Variants in MARF1 observed in about 807,000 individuals in gnomAD.
The protein encoded by MARF1 is limkain-b1.
In MARF1, 24 loss-of-function variants were observed where a neutral mutation model predicts 168.2. That is an observed-to-expected ratio of 0.14 (90% confidence interval 0.10 to 0.20). The LOEUF (loss-of-function observed/expected upper bound fraction) is 0.20. Among genes scored for constraint, MARF1 ranks in the 10% least tolerant of loss-of-function variants. The pLI, the probability that MARF1 is intolerant of heterozygous loss-of-function variation, is 1.00. For synonymous variants in MARF1, 868 were observed against 822.4 expected (o/e 1.06, Z -0.95); for missense variants, 1,744 against 2,143.6 (o/e 0.81, Z 3.68).
rs903767578 is a variant in MARF1 at position 15,625,039 on chromosome 16, T to C, written c.2088A>G (p.Glu696=). 1 of 1,614,192 alleles carries C rather than the reference T, an allele frequency of 6.2e-7. No homozygotes were observed. Among genetic ancestry groups the C allele is most frequent in the Non-Finnish European group, 8.5e-7 (1 of 1,180,032 alleles). Residue 696 remains glutamate (E), a synonymous_variant, in exon 9 of 27, where the codon GAA becomes GAG. Coordinates refer to ENST00000396368, the MANE Select transcript of MARF1 (RefSeq NM_014647.4). ...VSTPKNSGVA[E]PVYKTSQKKE... ...ACTTCTGACTGGTTTTGTAAACGGG[T>C]TCTGCCACCCCCGAGTTTTTCGGCG...
At chr16:15,618,603 G>T (rs574910030) in intron 13 of MARF1, among the ~76,000 whole-genome samples, 1 of 152,046 alleles carries the variant, frequency 6.6e-6, no homozygotes, top group Non-Finnish European at 1.5e-5. Context: ...CACACATCCT[G>T]GGTGCTCGCC....
chr16:15,624,626 AGGAGAG>A, intron 10 of MARF1, 137 bp downstream of exon 10: 1 of 740,242 alleles, frequency 1.4e-6, no homozygotes. Context: ...TGATTACCTG[AGGAGAG>A]GGGGACTGGC....
chr16:15,634,931 G>T lies in MARF1; in HGVS notation c.832C>A (p.Pro278Thr). 6.2e-7 allele frequency: 1 copy of T among 1,609,460 alleles called. No homozygotes were observed. The highest frequency in any genetic ancestry group is 2.2e-5 in the East Asian group (1 of 44,824). Residue 278 changes from proline (P) to threonine (T), a missense_variant and splice_region_variant, in exon 4 of 27, where the codon CCA (proline) becomes ACA (threonine). Transcript: ENST00000396368. ...SLYCEDCLNK[P>T]ARNSIIDAAK... ...GCATCGATTATGCTATTTCTTGCTG[G>T]CTGTTTTAAATTTTTTTTAAAAAGG... is the stretch of plus-strand genomic sequence containing the variant.
Position 15,611,580 on chromosome 16 carries a change from T to C in MARF1, c.3617+12A>G. ...ATATTTACTTTCATTTCTGTTCTTT[T>C]CATCAACTCACCAGTGATAAGCCTG... On this transcript the variant is annotated intron_variant, in intron 18 of 26. Coordinates refer to ENST00000396368, the MANE Select transcript of MARF1 (RefSeq NM_014647.4). 1.2e-6 allele frequency: 2 copies of C among 1,611,640 alleles called. No individual in the cohort carries two copies. The highest frequency in any genetic ancestry group is 1.7e-6 in the Non-Finnish European group (2 of 1,178,708).
In MARF1 at chr16:15,625,172, T is replaced by G. The variant is rs764900888; in HGVS notation, c.1955A>C (p.Glu652Ala). ...AGTTTTTGACTCCATGCGGCACAGC[T>G]CCTTCAAAGACACAAGCACAGTGGG... ...TKNTNVKSLQ[E>A]LCRMESKTGH... The change falls in exon 9 of 27, where the codon GAG becomes GCG. Residue 652 changes from glutamate to alanine, a missense_variant and splice_region_variant. Glu to Ala is a moderately radical substitution (Grantham distance 107). Around this residue, in one of 7 missense-constraint regions of MARF1, gnomAD observed 270 missense variants for 260.6 expected, o/e 1.04. Coordinates refer to ENST00000396368, the MANE Select transcript of MARF1 (RefSeq NM_014647.4). The G allele has an allele frequency of 6.2e-7, 1 of 1,613,784 alleles. No homozygotes were observed. Among genetic ancestry groups the G allele is most frequent in the Non-Finnish European group, 8.5e-7 (1 of 1,179,826 alleles).
intron 25 of MARF1, 123 bp from the exon 26 acceptor site, chr16:15,599,147 A>C: frequency 1.6e-6 from 1 of 633,364 alleles, no homozygotes; most frequent in South Asian, 1.9e-5. Context: ...AGAAGTATTT[A>C]AGGTATTAAA....
intron 7 of MARF1, among the ~76,000 whole-genome samples, chr16:15,629,889 C>G (rs1223839215): frequency 6.6e-6 from 1 of 152,188 alleles, no homozygotes. Context: ...CAGAGGCCCG[C>G]TGAAGCTTAA....
At chr16:15,604,534 A>G (rs1301378209) in intron 21 of MARF1, 136 bp from the exon 22 acceptor site, 1 of 633,968 alleles carries the variant, frequency 1.6e-6, no homozygotes, top group East Asian at 2.7e-5. Flanking sequence ...ACACTGAAAT[A>G]AAGCAAGTGG....
rs773731483 is a variant in MARF1, at chr16:15,633,599, TA to T, written c.1233+17del. 777 of 1,449,844 alleles carry T rather than the reference TA, an allele frequency of 5.4e-4. No individual in the cohort carries two copies. The highest frequency in any genetic ancestry group is 1.6e-3 in the Middle Eastern group (9 of 5,568). 89.8% of individuals were successfully genotyped at this position (1,449,844 alleles called of 1,614,324 possible). On this transcript the variant is annotated intron_variant, in intron 5 of 26. Coordinates refer to ENST00000396368, the MANE Select transcript of MARF1 (RefSeq NM_014647.4). ...TTCCTCTACTGTAGATTAAAATTAT[TA>T]AATTTTTTTTTTTTACCTGGCAATT...
chr16:15,598,632 C>T (rs961529808), intron 26 of MARF1, among the ~76,000 whole-genome samples: 11 of 152,006 alleles, frequency 7.2e-5, no homozygotes, highest in African/African-American at 2.7e-4. Context: ...CCCTCCAGAG[C>T]TGCCAAATCG....
intron 20 of MARF1, 137 bp from the exon 21 acceptor site, chr16:15,608,655 G>A: frequency 1.6e-6 from 1 of 637,480 alleles, no homozygotes; most frequent in Non-Finnish European, 2.7e-6. Flanking sequence ...AGTTGTGTAA[G>A]ATGAAAAAGT....
At chr16:15,613,101 C>A (rs953413390) in intron 16 of MARF1, among the ~76,000 whole-genome samples, 2 of 152,150 alleles carry the variant, frequency 1.3e-5, no homozygotes, top group Non-Finnish European at 2.9e-5. Flanking sequence ...AGTTATATTT[C>A]CAAGATCCTT....
rs781133212 is a variant in MARF1, at chr16:15,639,277, T to A, written c.-44A>T. 1 of 1,587,024 alleles carries A rather than the reference T, an allele frequency of 6.3e-7. No individual in the cohort carries two copies. Among genetic ancestry groups the A allele is most frequent in the Non-Finnish European group, 8.6e-7 (1 of 1,165,770 alleles). ...TCAACATCCTTTCATCTTTCTTTTC[T>A]TTCATTCTTCCACCCTGTTAAGAAT... is the stretch of plus-strand genomic sequence containing the variant. On this transcript the variant is annotated 5_prime_UTR_variant, in exon 2 of 27. It adds an upstream start codon to the 5' untranslated region. Coordinates refer to ENST00000396368, the MANE Select transcript of MARF1 (RefSeq NM_014647.4).
In MARF1 at chr16:15,602,067, T is replaced by C; in HGVS notation, c.4550A>G (p.Lys1517Arg). 6.2e-7 allele frequency: 1 copy of C among 1,614,206 alleles called. No homozygotes were observed. Among genetic ancestry groups the C allele is most frequent in the Non-Finnish European group, 8.5e-7 (1 of 1,180,034 alleles). Residue 1517 changes from lysine (K) to arginine (R), a missense_variant, in exon 23 of 27, where the codon AAG becomes AGG. Physicochemically the swap from Lys to Arg is conservative, Grantham distance 26. Transcript: ENST00000396368. ...GGGCTGCAGAGTTTCTCCGACATAC[T>C]TGGTATAGGCCATGGAAAACTCATG... The part of the protein sequence containing the change: ...FLHEFSMAYT[K>R]YVGETLQPKT...
chr16:15,599,114 A>C (rs2032102434), intron 25 of MARF1, 90 bp from the exon 26 acceptor site: 4 of 1,085,962 alleles, frequency 3.7e-6, no homozygotes, highest in Non-Finnish European at 4.1e-6. Context: ...TTTTCCTTCT[A>C]AGCCTTAAAG....
chr16:15,600,451 A>C lies in MARF1; in HGVS notation c.4790T>G (p.Leu1597Arg). ...EVPESHTASE[L>R]KLGADGSGPS... ...ACCACTGCCGTCAGCTCCAAGCTTGAGTTCCGAGGCTGTGTGCGATTCGGG... is the reference window on the plus strand; with the variant it reads ...ACCACTGCCGTCAGCTCCAAGCTTGCGTTCCGAGGCTGTGTGCGATTCGGG... The change falls in exon 25 of 27, where the codon CTC becomes CGC. Residue 1597 changes from leucine to arginine, a missense_variant. This residue lies in a region of MARF1 where 313 missense variants were observed against 337.4 expected (regional missense o/e 0.93). Coordinates refer to ENST00000396368, the MANE Select transcript of MARF1 (RefSeq NM_014647.4). The C allele has an allele frequency of 6.2e-7, 1 of 1,614,112 alleles. No homozygotes were observed. The highest frequency in any genetic ancestry group is 8.5e-7 in the Non-Finnish European group (1 of 1,180,028).
intron 18 of MARF1, 73 bp downstream of exon 18, chr16:15,611,519 C>A: frequency 4.2e-6 from 5 of 1,196,476 alleles, no homozygotes; most frequent in Non-Finnish European, 3.5e-6. Context: ...TACTAGATAA[C>A]TATTTAGAGT....
Position 15,612,424 on chromosome 16 carries a change from T to C in MARF1, c.3474+133A>G, listed in dbSNP as rs1019476856. On this transcript the variant is annotated intron_variant, in intron 17 of 26. Coordinates refer to ENST00000396368, the MANE Select transcript of MARF1 (RefSeq NM_014647.4). The stretch of plus-strand genomic sequence containing the variant: ...GCCTGTGTGTGTTATTCCTGCCCTC[T>C]GAAGAAAGTTTTTAGTGGATGTTCT... 1.7e-5 allele frequency: 13 copies of C among 761,244 alleles called. No individual in the cohort carries two copies. In the African/African-American group the frequency reaches 2.1e-4, roughly 12 times the overall value. The allele number at this position is 761,244 out of a possible 1,614,324, so 47.2% of individuals were successfully genotyped here. A position where few individuals can be genotyped will look rare whatever the true frequency, so the allele number is the denominator to read the frequency against.
chr16:15,636,236 C>T lies in MARF1; in HGVS notation c.251G>A (p.Arg84His), dbSNP rs370856672. The T allele has an allele frequency of 1.7e-5, 28 of 1,614,114 alleles. No homozygotes were observed. The highest frequency in any genetic ancestry group is 2.3e-5 in the Non-Finnish European group (27 of 1,180,004). The change falls in exon 3 of 27, where the codon CGT (arginine) becomes CAT (histidine). Residue 84 changes from arginine (R) to histidine (H), a missense_variant. Coordinates refer to ENST00000396368, the MANE Select transcript of MARF1 (RefSeq NM_014647.4). ...LFPAVPLPDI[R>H]SLQQPKIQLS... The stretch of plus-strand genomic sequence containing the variant: ...CTGTATTTTAGGCTGCTGAAGAGAA[C>T]GAATATCAGGAAGTGGGACTGCTGG...
Sources: gnomAD v4.1 joint callset for allele counts (sites outside exome capture counted in the v4.1 genomes callset) on GRCh38, gnomAD v4.1.1 for gene constraint, gnomAD v4.1.1 regional missense constraint, MANE v1.5 for transcripts, NCBI Gene and HGNC (gene_info 2026-07-23, HGNC 2026-07-21) for gene names.